Variants in KLHL13 observed in about 807,000 individuals in gnomAD.
KLHL13 encodes kelch-like protein 13.
Under a neutral mutation model 37.1 loss-of-function variants are expected in KLHL13, and 10 were observed. The observed-to-expected ratio is 0.27, with a 90% CI of 0.17 to 0.46. The LOEUF (loss-of-function observed/expected upper bound fraction) is 0.46, where lower values mean the gene tolerates loss of function less well. Among genes scored for constraint, KLHL13 ranks in the 20% least tolerant of loss-of-function variants. The pLI, the probability that KLHL13 is intolerant of heterozygous loss-of-function variation, is 1.00. For synonymous variants in KLHL13, 163 were observed against 181.2 expected (o/e 0.90, Z 0.81); for missense variants, 360 against 509.3 (o/e 0.71, Z 2.82).
chrX:118,028,612 T>C (rs1342721296), intron 1 of KLHL13, 115 bp from the exon 2 acceptor site: 2 of 396,145 alleles, frequency 5.0e-6, no homozygotes, highest in African/African-American at 2.5e-5. Context: ...GAAAAATGTA[T>C]GCCCCTGTAC....
intron 4 of KLHL13, among the ~76,000 whole-genome samples, chrX:117,915,179 G>A (rs2147668954): frequency 8.9e-6 from 1 of 111,843 alleles, no homozygotes; most frequent in South Asian, 3.8e-4. Context: ...TAAAAAACAT[G>A]TCTGTTAATC....
intron 6 of KLHL13, among the ~76,000 whole-genome samples, chrX:117,900,067 A>G (rs1929991156): frequency 8.9e-6 from 1 of 112,434 alleles, no homozygotes; most frequent in South Asian, 3.7e-4. Context: ...TGCTGAATAT[A>G]CGTGGAATTT....
At chrX:117,922,942 G>C (rs1016056954) in intron 2 of KLHL13, among the ~76,000 whole-genome samples, 2 of 111,338 alleles carry the variant, frequency 1.8e-5, no homozygotes, top group African/African-American at 6.5e-5. Flanking sequence ...ATATATAAAG[G>C]CCTCTTTAAA....
rs1442211108 is a variant in KLHL13, at chrX:117,906,191, T to C, written c.1366+3110A>G. Among the ~76,000 whole-genome samples, 4 of 111,361 alleles carry C rather than the reference T, an allele frequency of 3.6e-5. No individual in the cohort carries two copies. The East Asian group carries it at 1.1e-3, about 31-fold the overall frequency. On this transcript the variant is annotated intron_variant, in intron 5 of 6. Transcript: ENST00000262820. ...GAGGAATTCTATTTTTAAAAAGCGC[T>C]TGTAGGGTAGGGGAAATGTTAAAAC...
In KLHL13 at chrX:117,966,062, A is replaced by G. The variant is rs1286473840; in HGVS notation, c.98+6669T>C. ...GTTGGAAGTTCTGGCCAGGGCAATCAGGTAGGAGAAGGAAATAAAGGGTAT... is the reference window on the plus strand; with the variant it reads ...GTTGGAAGTTCTGGCCAGGGCAATCGGGTAGGAGAAGGAAATAAAGGGTAT... On this transcript the variant is annotated intron_variant, in intron 1 of 6. Transcript: ENST00000262820. 4.5e-5 allele frequency among the ~76,000 whole-genome samples: 5 copies of G among 111,659 alleles called. No homozygotes were observed. In the East Asian group the frequency reaches 1.1e-3, roughly 25 times the overall value.
chrX:118,113,319 A>T (rs762670559), intron 1 of KLHL13, among the ~76,000 whole-genome samples: 37 of 111,537 alleles, frequency 3.3e-4, no homozygotes, highest in East Asian at 8.4e-4. Context: ...ATTTTTTTTT[A>T]AATTTCCCTG....
At chrX:118,035,478 C>A (rs2054425954) in intron 1 of KLHL13, among the ~76,000 whole-genome samples, 1 of 109,354 alleles carries the variant, frequency 9.1e-6, no homozygotes, top group African/African-American at 3.5e-5. Context: ...ATAAACAGAA[C>A]CAAAGACAAA....
chrX:117,956,834 T>C lies in KLHL13; in HGVS notation c.99-11259A>G, dbSNP rs192424866. 1.4e-3 allele frequency among the ~76,000 whole-genome samples: 155 copies of C among 111,890 alleles called. 1 individual carries two copies. The highest frequency in any genetic ancestry group is 4.9e-3 in the African/African-American group (150 of 30,907). ...TCACTCCATCTCCATGAGATACTTG[T>C]TGAAGCAATCATCATTTTTACATCT... On this transcript the variant is annotated intron_variant, in intron 1 of 6. Transcript: ENST00000262820.
At chrX:118,009,883 G>A (rs760386711) in intron 1 of KLHL13, among the ~76,000 whole-genome samples, 107 of 102,333 alleles carry the variant, frequency 1.0e-3, no homozygotes, top group Middle Eastern at 4.7e-3. Flanking sequence ...CTACCCATGA[G>A]CATGGAATGT....
At chrX:118,050,768 C>T (rs2054605028) in intron 1 of KLHL13, among the ~76,000 whole-genome samples, 1 of 112,220 alleles carries the variant, frequency 8.9e-6, no homozygotes, top group Non-Finnish European at 1.9e-5. Flanking sequence ...GATACACACA[C>T]ATCTTGCAAT....
intron 1 of KLHL13, among the ~76,000 whole-genome samples, chrX:118,033,625 G>A (rs1054297134): frequency 9.1e-6 from 1 of 109,581 alleles, no homozygotes; most frequent in African/African-American, 3.3e-5. Flanking sequence ...GGTACCAGCT[G>A]CTGCAAAATC....
intron 1 of KLHL13, among the ~76,000 whole-genome samples, chrX:117,980,908 C>T (rs2053653259): frequency 8.9e-6 from 1 of 111,766 alleles, no homozygotes; most frequent in Admixed American, 9.5e-5. Context: ...TAAAGATGTC[C>T]TTATGGTAAT....
At chrX:117,903,172 A>ACAC (rs1569409164) in intron 5 of KLHL13, among the ~76,000 whole-genome samples, 4 of 95,698 alleles carry the variant, frequency 4.2e-5, no homozygotes, top group South Asian at 4.4e-4. Context: ...AGAGAGAGAG[A>ACAC]GGAGAGCGAG....
At chrX:118,032,147 G>A (rs995272964) in intron 1 of KLHL13, among the ~76,000 whole-genome samples, 99 of 111,331 alleles carry the variant, frequency 8.9e-4, no homozygotes, top group Non-Finnish European at 1.4e-3. Context: ...ACAACAAGGC[G>A]GCAGCGAGGC....
chrX:117,926,998 C>T lies in KLHL13; in HGVS notation c.241-6628G>A, dbSNP rs778147482. Among the ~76,000 whole-genome samples, 209 of 103,124 alleles carry T rather than the reference C, an allele frequency of 2.0e-3. 1 individual carries two copies. The highest frequency in any genetic ancestry group is 3.3e-3 in the South Asian group (7 of 2,100). 89.6% of individuals were successfully genotyped at this position (103,124 alleles called of 115,157 possible). A position where few individuals can be genotyped will look rare whatever the true frequency, so the allele number is the denominator to read the frequency against. On this transcript the variant is annotated intron_variant, in intron 2 of 6. Coordinates refer to ENST00000262820, the Ensembl canonical transcript of KLHL13. ...TCGGCTCACTGCAACCTCCGCCTCCCAGGTTCACGCCCTTCTCCTGCCTCA... is the reference window on the plus strand; with the variant it reads ...TCGGCTCACTGCAACCTCCGCCTCCTAGGTTCACGCCCTTCTCCTGCCTCA...
chrX:117,903,173 G>GAGCGAGA (rs1491190040), intron 5 of KLHL13, among the ~76,000 whole-genome samples: 240 of 96,691 alleles, frequency 2.5e-3, no homozygotes, highest in African/African-American at 9.5e-3. Flanking sequence ...GAGAGAGAGA[G>GAGCGAGA]GAGAGCGAGA....
chrX:118,090,211 T>C (rs1397797044), intron 1 of KLHL13, among the ~76,000 whole-genome samples: 1 of 110,832 alleles, frequency 9.0e-6, no homozygotes, highest in Non-Finnish European at 1.9e-5. Context: ...GGCAATACCA[T>C]TCAGGACATA....
chrX:118,092,530 T>C (rs1197946182), intron 1 of KLHL13, among the ~76,000 whole-genome samples: 1 of 111,796 alleles, frequency 8.9e-6, no homozygotes, highest in Admixed American at 9.5e-5. Context: ...GTCACCAGCA[T>C]ACCTACCCTA....
intron 1 of KLHL13, among the ~76,000 whole-genome samples, chrX:118,101,123 G>A: frequency 9.0e-6 from 1 of 111,375 alleles, no homozygotes; most frequent in Non-Finnish European, 1.9e-5. Flanking sequence ...TCAATTGTTT[G>A]TGCCTTCTAT....
Sources: allele counts gnomAD v4.1 joint callset (sites outside exome capture counted in the v4.1 genomes callset), GRCh38; gene constraint gnomAD v4.1.1; transcripts MANE v1.5; gene names NCBI Gene and HGNC (gene_info 2026-07-23, HGNC 2026-07-21).